Variants in ZDHHC17 observed in about 807,000 individuals in gnomAD.
The protein encoded by ZDHHC17 is zDHHC palmitoyltransferase 17.
In ZDHHC17, 40 loss-of-function variants were observed where a neutral mutation model predicts 90.3. That is an observed-to-expected ratio of 0.44 (90% CI 0.34 to 0.58). The LOEUF (loss-of-function observed/expected upper bound fraction) is 0.58, where lower values mean the gene tolerates loss of function less well. Ranked by LOEUF, ZDHHC17 falls within the 20% of genes least tolerant of loss-of-function variation. The pLI is 0.01. For synonymous variants in ZDHHC17, 235 were observed against 252.4 expected (o/e 0.93, Z 0.65); for missense variants, 614 against 780.8 (o/e 0.79, Z 2.55).
intron 10 of ZDHHC17, among the ~76,000 whole-genome samples, chr12:76,841,373 A>G (rs983461623): frequency 1.3e-5 from 2 of 152,164 alleles, no homozygotes; most frequent in East Asian, 1.9e-4. Flanking sequence ...TCAGAAATGT[A>G]TTGCTCTAGC....
intron 1 of ZDHHC17, among the ~76,000 whole-genome samples, chr12:76,778,085 T>C (rs1230110945): frequency 6.6e-6 from 1 of 152,212 alleles, no homozygotes; most frequent in Admixed American, 6.5e-5. Flanking sequence ...GAGATCTTAT[T>C]TACATGACTC....
intron 1 of ZDHHC17, among the ~76,000 whole-genome samples, chr12:76,768,538 G>A (rs1459221398): frequency 6.6e-6 from 1 of 152,220 alleles, no homozygotes; most frequent in Non-Finnish European, 1.5e-5. Context: ...TTGTAGGCAC[G>A]TGAAACACTG....
At chr12:76,846,700 G>C in intron 14 of ZDHHC17, 21 bp downstream of exon 14, 1 of 1,574,504 alleles carries the variant, frequency 6.4e-7, no homozygotes, top group Non-Finnish European at 8.7e-7. Flanking sequence ...TTAGTTTTCG[G>C]TCTTTTTAAA....
intron 13 of ZDHHC17, chr12:76,846,310 A>AT (rs2137806885): frequency 2.9e-6 from 1 of 340,742 alleles, no homozygotes; most frequent in Admixed American, 4.4e-5. Context: ...AAATAGGGCT[A>AT]TTTTAAACCT....
intron 10 of ZDHHC17, among the ~76,000 whole-genome samples, chr12:76,832,914 G>C (rs1245818151): frequency 6.6e-6 from 1 of 152,142 alleles, no homozygotes; most frequent in African/African-American, 2.4e-5. Flanking sequence ...TCACTGTTTT[G>C]TTCATGCCCG....
intron 7 of ZDHHC17, among the ~76,000 whole-genome samples, chr12:76,816,499 T>C (rs566976884): frequency 1.3e-5 from 2 of 152,106 alleles, no homozygotes; most frequent in Non-Finnish European, 2.9e-5. Context: ...TTAAACATCA[T>C]CTTTTAATCA....
rs1461643605 is a variant in ZDHHC17 at position 76,848,284 on chromosome 12, A to T, written c.1559A>T (p.Tyr520Phe). The T allele has an allele frequency of 1.2e-6, 2 of 1,613,826 alleles. No individual in the cohort carries two copies. Among genetic ancestry groups the T allele is most frequent in the East Asian group, 4.5e-5 (2 of 44,868 alleles). ...TACACCAAGGATGGATTTTGGACAT[A>T]CATTACTCAGATTGCCACGTGTTCA... ...TTYTKDGFWTYITQIATCSPW... is the reference protein window; with the variant it reads ...TTYTKDGFWTFITQIATCSPW... Residue 520 changes from tyrosine to phenylalanine, a missense_variant, in exon 15 of 17, where the codon TAC becomes TTC. This residue lies in a region of ZDHHC17 where 111 missense variants were observed against 179.8 expected (regional missense o/e 0.62). Transcript: ENST00000426126.
At chr12:76,843,066 G>T in intron 12 of ZDHHC17, 85 bp downstream of exon 12, 1 of 1,023,300 alleles carries the variant, frequency 9.8e-7, no homozygotes, top group South Asian at 1.7e-5. Flanking sequence ...TGGGGAAAAG[G>T]AATAATTATT....
chr12:76,832,515 C>G (rs1953315881), intron 10 of ZDHHC17, among the ~76,000 whole-genome samples: 1 of 152,200 alleles, frequency 6.6e-6, no homozygotes, highest in Non-Finnish European at 1.5e-5. Context: ...GCTCTGGTCA[C>G]AACAGTATTG....
chr12:76,772,381 C>T (rs1391322236), intron 1 of ZDHHC17, among the ~76,000 whole-genome samples: 1 of 152,156 alleles, frequency 6.6e-6, no homozygotes, highest in Non-Finnish European at 1.5e-5. Flanking sequence ...TGCCTGTACA[C>T]ATGCATAACC....
chr12:76,850,965 T>G lies in ZDHHC17; in HGVS notation c.1879T>G (p.Ser627Ala), dbSNP rs369650681. The change falls in exon 17 of 17, where the codon TCT (serine) becomes GCT (alanine). Residue 627 changes from serine to alanine, a missense_variant. By Grantham distance (99) the Ser-to-Ala change is moderately conservative. Around this residue, in one of 5 missense-constraint regions of ZDHHC17, gnomAD observed 28 missense variants for 20.0 expected, o/e 1.40. Transcript: ENST00000426126. ...AATAGAATATGACCAAATATCAGGA[T>G]CTGGGTACCAGCTGGTGTAGCGACA... ...YTIEYDQISG[S>A]GYQLV The G allele has an allele frequency of 1.4e-5, 22 of 1,613,780 alleles. No individual in the cohort carries two copies. Among genetic ancestry groups the G allele is most frequent in the Non-Finnish European group, 1.8e-5 (21 of 1,179,872 alleles).
At chr12:76,827,118 A>T (rs1565796343) in intron 9 of ZDHHC17, 68 bp downstream of exon 9, 13 of 1,445,402 alleles carry the variant, frequency 9.0e-6, no homozygotes, top group Non-Finnish European at 1.2e-5. Flanking sequence ...CTCTTGTATA[A>T]AATTAATGTT....
intron 10 of ZDHHC17, among the ~76,000 whole-genome samples, chr12:76,832,596 T>C (rs1334431141): frequency 6.6e-6 from 1 of 152,246 alleles, no homozygotes; most frequent in Non-Finnish European, 1.5e-5. Flanking sequence ...TTAATATGTA[T>C]TGTTGATTCA....
intron 2 of ZDHHC17, among the ~76,000 whole-genome samples, chr12:76,804,022 C>G (rs1952924600): frequency 6.6e-6 from 1 of 152,142 alleles, no homozygotes; most frequent in African/African-American, 2.4e-5. Context: ...TACTTTTATT[C>G]CCAACAATAC....
At chr12:76,774,428 T>C (rs943454853) in intron 1 of ZDHHC17, among the ~76,000 whole-genome samples, 1 of 151,460 alleles carries the variant, frequency 6.6e-6, no homozygotes, top group African/African-American at 2.4e-5. Context: ...AGGATGGAGA[T>C]GAGTAGTCTC....
intron 5 of ZDHHC17, among the ~76,000 whole-genome samples, chr12:76,813,721 T>C (rs1191621299): frequency 6.6e-6 from 1 of 152,058 alleles, no homozygotes; most frequent in Non-Finnish European, 1.5e-5. Context: ...GGAGATGGGG[T>C]AGAGAAGAAG....
rs546333890 is a variant in ZDHHC17 at position 76,798,162 on chromosome 12, C to G, written c.197+625C>G. Among the ~76,000 whole-genome samples the G allele has an allele frequency of 4.6e-5, 7 of 152,120 alleles. No individual in the cohort carries two copies. In the South Asian group the frequency reaches 1.5e-3, roughly 32 times the overall value. On this transcript the variant is annotated intron_variant, in intron 2 of 16. Coordinates refer to ENST00000426126, the MANE Select transcript of ZDHHC17 (RefSeq NM_015336.4). ...CCATCAGTGTGCATCCAATATTCTC[C>G]CGCCCGCAACCAGGTACACAGATTA... is the stretch of plus-strand genomic sequence containing the variant.
chr12:76,825,952 T>C (rs1363446923), intron 8 of ZDHHC17, among the ~76,000 whole-genome samples: 1 of 152,036 alleles, frequency 6.6e-6, no homozygotes, highest in Non-Finnish European at 1.5e-5. Flanking sequence ...GTAGCTGGGA[T>C]ACAGTACAGG....
intron 1 of ZDHHC17, chr12:76,764,561 G>C (rs1281505573): frequency 3.5e-6 from 2 of 576,794 alleles, no homozygotes; most frequent in African/African-American, 1.9e-5. Context: ...GCTGTGCCTG[G>C]AGGACAGAGG....
Sources: allele counts gnomAD v4.1 joint callset (sites outside exome capture counted in the v4.1 genomes callset), GRCh38; gene constraint gnomAD v4.1.1; regional missense constraint gnomAD v4.1.1; transcripts MANE v1.5; gene names NCBI Gene and HGNC (gene_info 2026-07-23, HGNC 2026-07-21).